FSHR: variants seen among roughly 807,000 people sequenced by gnomAD.
The protein encoded by FSHR is follicle stimulating hormone receptor, also known as follicle-stimulating hormone receptor.
In FSHR, 46 loss-of-function variants were observed where a neutral mutation model predicts 52.1. The ratio of observed to expected loss-of-function variants is 0.88; its 90% CI spans 0.70 to 1.13. The LOEUF is 1.13. Ranked by LOEUF, FSHR falls within the 50% of genes most tolerant of loss-of-function variation. FSHR has a pLI of 0.00. For missense variants in FSHR, 964 were observed against 834.6 expected (o/e 1.16, Z -1.91); for synonymous variants, 399 against 309.6 (o/e 1.29, Z -3.03).
chr2:48,981,446 C>G (rs1323974157), intron 8 of FSHR, among the ~76,000 whole-genome samples: 1 of 151,962 alleles, frequency 6.6e-6, no homozygotes, highest in East Asian at 1.9e-4. Flanking sequence ...ATTGTTTTGG[C>G]CATTTTTTTT....
At chr2:49,013,402 C>A (rs1379278691) in intron 4 of FSHR, among the ~76,000 whole-genome samples, 1 of 144,660 alleles carries the variant, frequency 6.9e-6, no homozygotes, top group Non-Finnish European at 1.5e-5. Flanking sequence ...TTAGGTGATC[C>A]CTCTTAGCAG....
intron 6 of FSHR, 59 bp downstream of exon 6, chr2:48,988,918 A>G: frequency 5.0e-6 from 7 of 1,410,486 alleles, no homozygotes; most frequent in South Asian, 2.3e-5. Flanking sequence ...ATTATGAGAA[A>G]GAGATCACTA....
At chr2:48,997,124 C>T (rs1251077306) in intron 4 of FSHR, 7 of 653,774 alleles carry the variant, frequency 1.1e-5, no homozygotes, top group Non-Finnish European at 1.3e-5. Context: ...GGTTTAGAGA[C>T]CCTGGGTTCC....
rs77788805 is a variant in FSHR at position 49,046,698 on chromosome 2, A to C, written c.224+21521T>G. Among the ~76,000 whole-genome samples, 756 of 152,312 alleles carry C rather than the reference A, an allele frequency of 5.0e-3. 11 individuals carry two copies. Among genetic ancestry groups the C allele is most frequent in the African/African-American group, 0.017 (713 of 41,572 alleles). On this transcript the variant is annotated intron_variant, in intron 2 of 9. Transcript: ENST00000406846. Reference sequence around the variant, plus strand: ...CAGTGACTACCAGGTAAGTTTCATCAAATCATGTCCTCATCTAATTAGCAC... The same window carrying C: ...CAGTGACTACCAGGTAAGTTTCATCCAATCATGTCCTCATCTAATTAGCAC...
chr2:48,965,379 G>GT (rs940776231), intron 9 of FSHR, among the ~76,000 whole-genome samples: 4 of 152,026 alleles, frequency 2.6e-5, no homozygotes, highest in Non-Finnish European at 5.9e-5. Context: ...TTGTTTGTTT[G>GT]TTTTTTTAAG....
intron 1 of FSHR, among the ~76,000 whole-genome samples, chr2:49,127,830 CTCTTCT>C (rs869083755): frequency 2.4e-4 from 5 of 21,046 alleles, no homozygotes; most frequent in African/African-American, 4.6e-4. Flanking sequence ...CTTCTTCTTC[CTCTTCT>C]TCTTCTTCTT....
At chr2:49,117,784 C>T (rs1671658272) in intron 1 of FSHR, among the ~76,000 whole-genome samples, 1 of 152,152 alleles carries the variant, frequency 6.6e-6, no homozygotes, top group South Asian at 2.1e-4. Flanking sequence ...ATTTGCTTGA[C>T]CATTCTTGAA....
chr2:49,144,725 C>T (rs10176392), intron 1 of FSHR, among the ~76,000 whole-genome samples: 6,894 of 152,110 alleles, frequency 0.045, 242 homozygotes, highest in Non-Finnish European at 0.066. Flanking sequence ...CCTGCCCTGA[C>T]GAGAAATTAG....
In FSHR at chr2:48,962,941, G is replaced by C. The variant is rs1429516944; in HGVS notation, c.1880C>G (p.Ala627Gly). 6.2e-7 allele frequency: 1 copy of C among 1,614,118 alleles called. No individual in the cohort carries two copies. The highest frequency in any genetic ancestry group is 1.7e-5 in the Admixed American group (1 of 59,998). Residue 627 changes from alanine (A) to glycine (G), a missense_variant, in exon 10 of 10, where the codon GCC becomes GGC. Ala to Gly is a moderately conservative substitution (Grantham distance 60). Transcript: ENST00000406846. ...INSCANPFLY[A>G]IFTKNFRRDF... The stretch of plus-strand genomic sequence containing the variant: ...TCTGCGAAAGTTTTTGGTAAAGATG[G>C]CATAGAGGAAGGGGTTGGCACAGGA...
chr2:49,009,434 G>T (rs967807803), intron 4 of FSHR, among the ~76,000 whole-genome samples: 1 of 151,142 alleles, frequency 6.6e-6, no homozygotes, highest in Non-Finnish European at 1.5e-5. Flanking sequence ...CTGTAGCCTT[G>T]TAGTATAGTT....
At chr2:49,038,250 A>G (rs1668342337) in intron 2 of FSHR, among the ~76,000 whole-genome samples, 1 of 152,196 alleles carries the variant, frequency 6.6e-6, no homozygotes, top group Non-Finnish European at 1.5e-5. Flanking sequence ...AATTAGACCC[A>G]GAAGAAACAA....
intron 1 of FSHR, among the ~76,000 whole-genome samples, chr2:49,105,903 C>G (rs1445851003): frequency 6.6e-6 from 1 of 152,136 alleles, no homozygotes; most frequent in Non-Finnish European, 1.5e-5. Flanking sequence ...GGTGAGGGTT[C>G]TCCTCATCCC....
chr2:49,148,242 A>G (rs922665266), intron 1 of FSHR, among the ~76,000 whole-genome samples: 17 of 152,106 alleles, frequency 1.1e-4, no homozygotes, highest in African/African-American at 4.1e-4. Flanking sequence ...TTAACTCAGT[A>G]GACCTTGTTT....
intron 1 of FSHR, among the ~76,000 whole-genome samples, chr2:49,072,224 AAACC>A (rs536447661): frequency 4.0e-5 from 6 of 151,612 alleles, no homozygotes; most frequent in Non-Finnish European, 5.9e-5. Flanking sequence ...AAAGCAAAGC[AAACC>A]AACCAACCAA....
At chr2:49,053,248 T>C (rs1668934351) in intron 2 of FSHR, among the ~76,000 whole-genome samples, 1 of 152,218 alleles carries the variant, frequency 6.6e-6, no homozygotes, top group Non-Finnish European at 1.5e-5. Flanking sequence ...TTTCAGCTGA[T>C]GTTGATTGGT....
At chr2:49,095,957 C>A (rs1262412922) in intron 1 of FSHR, among the ~76,000 whole-genome samples, 1 of 152,072 alleles carries the variant, frequency 6.6e-6, no homozygotes, top group East Asian at 1.9e-4. Flanking sequence ...ATTAAAAAGA[C>A]AGACAATATT....
chr2:49,041,564 T>C (rs1051627246), intron 2 of FSHR, among the ~76,000 whole-genome samples: 25 of 152,178 alleles, frequency 1.6e-4, no homozygotes, highest in Non-Finnish European at 3.4e-4. Context: ...TGTTATTTGA[T>C]TGATGGTCCT....
intron 2 of FSHR, among the ~76,000 whole-genome samples, chr2:49,047,598 C>A (rs971233726): frequency 6.6e-6 from 1 of 152,230 alleles, no homozygotes; most frequent in African/African-American, 2.4e-5. Flanking sequence ...ACTAAAATCC[C>A]ACCATTAGCA....
chr2:49,071,747 A>T (rs1669740258), intron 1 of FSHR, among the ~76,000 whole-genome samples: 1 of 152,196 alleles, frequency 6.6e-6, no homozygotes, highest in Admixed American at 6.6e-5. Flanking sequence ...GGCCTCAGAA[A>T]TCTTCCACTC....
Sources: gnomAD v4.1 joint callset for allele counts (sites outside exome capture counted in the v4.1 genomes callset) on GRCh38, gnomAD v4.1.1 for gene constraint, MANE v1.5 for transcripts, NCBI Gene and HGNC (gene_info 2026-07-23, HGNC 2026-07-21) for gene names.